Variants in SRGAP1 observed in about 807,000 individuals in gnomAD.
SRGAP1 encodes SLIT-ROBO Rho GTPase activating protein 1.
In SRGAP1, 43 loss-of-function variants were observed where a neutral mutation model predicts 121.9. That is an observed-to-expected ratio of 0.35 (90% CI 0.28 to 0.46). The LOEUF (loss-of-function observed/expected upper bound fraction) is 0.46. Ranked by LOEUF, SRGAP1 falls within the 20% of genes least tolerant of loss-of-function variation. The pLI is 1.00. For synonymous variants in SRGAP1, 447 were observed against 485.4 expected, an observed-to-expected ratio of 0.92 and a Z score of 1.04; for missense variants, 1,102 against 1,350.9, an observed-to-expected ratio of 0.82 and a Z score of 2.89.
At chr12:64,078,881 A>T (rs2035786609) in intron 8 of SRGAP1, 38 bp from the exon 9 acceptor site, 1 of 1,597,200 alleles carries the variant, frequency 6.3e-7, no homozygotes, top group Non-Finnish European at 8.5e-7. Flanking sequence ...GATTCATGAA[A>T]TAATGTACTA....
chr12:63,852,243 C>G (rs1487546342), intron 1 of SRGAP1, among the ~76,000 whole-genome samples: 3 of 152,050 alleles, frequency 2.0e-5, no homozygotes, highest in Non-Finnish European at 4.4e-5. Context: ...CCTGCTTGAG[C>G]CTTGGGCCTC....
At chr12:64,056,286 CT>C (rs1173353195) in intron 6 of SRGAP1, among the ~76,000 whole-genome samples, 13 of 152,136 alleles carry the variant, frequency 8.5e-5, no homozygotes, top group African/African-American at 3.1e-4. Flanking sequence ...TAAGCTTACA[CT>C]CATATGTTCC....
At chr12:63,944,892 C>T (rs751596959) in intron 1 of SRGAP1, among the ~76,000 whole-genome samples, 1 of 152,336 alleles carries the variant, frequency 6.6e-6, no homozygotes, top group South Asian at 2.1e-4. Flanking sequence ...CCTTGGACTG[C>T]TGTCACCCCA....
chr12:64,138,307 T>C (rs1432254983), intron 21 of SRGAP1, among the ~76,000 whole-genome samples: 1 of 152,160 alleles, frequency 6.6e-6, no homozygotes, highest in African/African-American at 2.4e-5. Context: ...TATTTCCCTT[T>C]AAGGGAAGTT....
intron 8 of SRGAP1, among the ~76,000 whole-genome samples, chr12:64,074,326 TC>T (rs1411158828): frequency 7.9e-5 from 12 of 152,206 alleles, no homozygotes; most frequent in African/African-American, 2.4e-4. Context: ...ATCTAAACTG[TC>T]CCTTGTAGGT....
chr12:64,013,525 A>G (rs7966857), intron 3 of SRGAP1, among the ~76,000 whole-genome samples: 8,668 of 152,256 alleles, frequency 0.057, 831 homozygotes, highest in African/African-American at 0.2. Context: ...CAAAGTGGAC[A>G]AACAGGCAGA....
chr12:63,929,308 A>C (rs1592954326), intron 1 of SRGAP1, among the ~76,000 whole-genome samples: 1 of 152,374 alleles, frequency 6.6e-6, no homozygotes, highest in Admixed American at 6.5e-5. Flanking sequence ...TCTGTCAAAT[A>C]TAAATGAAGT....
chr12:64,103,348 A>T, intron 15 of SRGAP1, among the ~76,000 whole-genome samples: 1 of 152,184 alleles, frequency 6.6e-6, no homozygotes, highest in East Asian at 1.9e-4. Context: ...AAACTCAATA[A>T]TATTATTTTC....
At chr12:64,099,950 T>A (rs987586473) in intron 15 of SRGAP1, among the ~76,000 whole-genome samples, 1 of 152,176 alleles carries the variant, frequency 6.6e-6, no homozygotes, top group Non-Finnish European at 1.5e-5. Context: ...AAGATCTAGG[T>A]TCAAATCCTA....
At chr12:64,083,054 C>T (rs1417069804) in intron 10 of SRGAP1, among the ~76,000 whole-genome samples, 1 of 152,166 alleles carries the variant, frequency 6.6e-6, no homozygotes, top group African/African-American at 2.4e-5. Flanking sequence ...TTTAACTCAA[C>T]CATTATAAGC....
At chr12:63,974,264 A>C (rs1044902171) in intron 1 of SRGAP1, among the ~76,000 whole-genome samples, 9 of 152,314 alleles carry the variant, frequency 5.9e-5, no homozygotes, top group Admixed American at 3.9e-4. Flanking sequence ...TGTTTTCCAT[A>C]CTTTATCTAA....
intron 15 of SRGAP1, among the ~76,000 whole-genome samples, chr12:64,106,812 T>C (rs751418731): frequency 2.6e-5 from 4 of 152,190 alleles, no homozygotes; most frequent in Non-Finnish European, 5.9e-5. Flanking sequence ...GTAACCCTAA[T>C]CTGCCTTGTT....
At chr12:63,915,470 A>G (rs1356766199) in intron 1 of SRGAP1, among the ~76,000 whole-genome samples, 1 of 152,220 alleles carries the variant, frequency 6.6e-6, no homozygotes, top group African/African-American at 2.4e-5. Flanking sequence ...ATAATTTGAT[A>G]AAAAATTATG....
chr12:64,151,056 TTAGGAAAAG>T lies in SRGAP1; in HGVS notation c.*8385_*8393del, dbSNP rs2037115542. ...TAGTAACTAAATATTACGAGATGCA[TTAGGAAAAG>T]AAGGAAAAGAAATTTTAAGTAAGCC... On this transcript the variant is annotated 3_prime_UTR_variant, in exon 22 of 22. Transcript: ENST00000355086. 6.6e-6 allele frequency: 1 copy of T among 151,216 alleles called. No homozygotes were observed. Among genetic ancestry groups the T allele is most frequent in the East Asian group, 1.9e-4 (1 of 5,160 alleles). The allele number at this position is 151,216 out of a possible 1,614,324, so 9.4% of individuals were successfully genotyped here. A position where few individuals can be genotyped will look rare whatever the true frequency, so the allele number is the denominator to read the frequency against.
chr12:63,881,702 C>T (rs1900200356), intron 1 of SRGAP1, among the ~76,000 whole-genome samples: 1 of 152,198 alleles, frequency 6.6e-6, no homozygotes, highest in Admixed American at 6.5e-5. Context: ...CAGTGTCCAA[C>T]ACTTTTGGGA....
At chr12:64,051,042 T>C (rs1162953488) in intron 6 of SRGAP1, among the ~76,000 whole-genome samples, 1 of 152,126 alleles carries the variant, frequency 6.6e-6, no homozygotes, top group African/African-American at 2.4e-5. Context: ...CAAAATTCTT[T>C]GTTGAAGAGA....
At chr12:63,859,635 A>G (rs1899378033) in intron 1 of SRGAP1, among the ~76,000 whole-genome samples, 1 of 152,190 alleles carries the variant, frequency 6.6e-6, no homozygotes. Context: ...AGCACTTAAG[A>G]TAATACAGTT....
At chr12:63,973,947 G>A (rs976055514) in intron 1 of SRGAP1, among the ~76,000 whole-genome samples, 3 of 152,090 alleles carry the variant, frequency 2.0e-5, no homozygotes, top group Admixed American at 2.0e-4. Flanking sequence ...TGCTTTTCAG[G>A]AACACAGTCA....
chr12:64,029,537 C>T (rs535199768), intron 4 of SRGAP1, among the ~76,000 whole-genome samples: 1 of 152,178 alleles, frequency 6.6e-6, no homozygotes, highest in African/African-American at 2.4e-5. Flanking sequence ...CAGGAGACTT[C>T]CTGAAGAAGC....
Sources: allele counts gnomAD v4.1 joint callset (sites outside exome capture counted in the v4.1 genomes callset), GRCh38; gene constraint gnomAD v4.1.1; transcripts MANE v1.5; gene names NCBI Gene and HGNC (gene_info 2026-07-23, HGNC 2026-07-21).